The following LGR5 variants were observed in gnomAD, a reference collection of about 807,000 sequenced individuals.
The protein encoded by LGR5 is leucine rich repeat containing G protein-coupled receptor 5.
In LGR5, 54 loss-of-function variants were observed where a neutral mutation model predicts 76.7. The ratio of observed to expected loss-of-function variants is 0.70; its 90% confidence interval spans 0.57 to 0.88. LGR5 has a LOEUF of 0.88. Among genes scored for constraint, LGR5 ranks in the 40% least tolerant of loss-of-function variants. The pLI is 0.00. For missense variants in LGR5, 1,078 were observed against 1,073.3 expected, an observed-to-expected ratio of 1.00 and a Z score of -0.06; for synonymous variants, 406 against 421.9, an observed-to-expected ratio of 0.96 and a Z score of 0.46.
chr12:71,480,457 A>G (rs1263758038), intron 1 of LGR5, among the ~76,000 whole-genome samples: 1 of 151,756 alleles, frequency 6.6e-6, no homozygotes, highest in Non-Finnish European at 1.5e-5. Context: ...CTTCCTCTGG[A>G]CAGAACCTTG....
chr12:71,583,912 G>T lies in LGR5; in HGVS notation c.1902G>T (p.Gly634=), dbSNP rs773901232. Reference sequence around the variant, plus strand: ...GACATGGTGCCTGGTGGGAGAATGGGGTTGGTTGCCATGTCATTGGTTTTT... The same window carrying T: ...GACATGGTGCCTGGTGGGAGAATGGTGTTGGTTGCCATGTCATTGGTTTTT... ...FARHGAWWEN[G]VGCHVIGFLS... Residue 634 remains glycine, a synonymous_variant, in exon 18 of 18, where the codon GGG becomes GGT. Coordinates refer to ENST00000266674, the MANE Select transcript of LGR5 (RefSeq NM_003667.4). The T allele has an allele frequency of 6.8e-6, 11 of 1,614,136 alleles. No homozygotes were observed. The East Asian group carries it at 2.5e-4, about 36-fold the overall frequency.
chr12:71,471,712 A>T (rs998457456), intron 1 of LGR5, among the ~76,000 whole-genome samples: 1 of 151,742 alleles, frequency 6.6e-6, no homozygotes. Context: ...CCAGCTAGTG[A>T]TCATGGGCAG....
chr12:71,516,408 C>A (rs1875440194), intron 2 of LGR5, among the ~76,000 whole-genome samples: 1 of 152,108 alleles, frequency 6.6e-6, no homozygotes, highest in African/African-American at 2.4e-5. Flanking sequence ...TCGCTTAACT[C>A]TGAAAATGCT....
intron 4 of LGR5, among the ~76,000 whole-genome samples, chr12:71,539,811 A>G (rs1202602490): frequency 6.6e-6 from 1 of 152,112 alleles, no homozygotes; most frequent in Non-Finnish European, 1.5e-5. Context: ...TGATGCTAAC[A>G]AATTGCTGGG....
rs968129733 is a variant in LGR5 at position 71,551,749 on chromosome 12, G to T, written c.429-1324G>T. On this transcript the variant is annotated intron_variant, in intron 4 of 17. Coordinates refer to ENST00000266674, the MANE Select transcript of LGR5 (RefSeq NM_003667.4). ...CACTCCCTCTGCTGGCTTTTAGGTG[G>T]CAACAGCTCATTAACCAGACTTATT... is the stretch of plus-strand genomic sequence containing the variant. Among the ~76,000 whole-genome samples the T allele has an allele frequency of 4.3e-4, 65 of 152,130 alleles. 1 individual carries two copies. The highest frequency in any genetic ancestry group is 1.5e-5 in the Non-Finnish European group (1 of 68,040).
At chr12:71,493,952 T>G (rs1874195619) in intron 1 of LGR5, among the ~76,000 whole-genome samples, 1 of 147,612 alleles carries the variant, frequency 6.8e-6, no homozygotes, top group African/African-American at 2.6e-5. Context: ...GATTTTTTTT[T>G]TTTTTTTTTG....
At chr12:71,515,358 C>G (rs1334133173) in intron 2 of LGR5, among the ~76,000 whole-genome samples, 1 of 152,132 alleles carries the variant, frequency 6.6e-6, no homozygotes, top group Non-Finnish European at 1.5e-5. Flanking sequence ...ATTATATTAT[C>G]ATAGTTTTGG....
chr12:71,441,793 G>C (rs932552448), intron 1 of LGR5: 10 of 152,106 alleles, frequency 6.6e-5, no homozygotes, highest in African/African-American at 2.2e-4. Context: ...AATTGCACTC[G>C]TGCATGTGGT....
chr12:71,479,131 G>T (rs1332282104), intron 1 of LGR5, among the ~76,000 whole-genome samples: 1 of 151,176 alleles, frequency 6.6e-6, no homozygotes, highest in South Asian at 2.1e-4. Context: ...AAATTAATAC[G>T]TTTTATTGGC....
At chr12:71,550,453 C>G (rs1458938407) in intron 4 of LGR5, among the ~76,000 whole-genome samples, 3 of 131,024 alleles carry the variant, frequency 2.3e-5, no homozygotes, top group Admixed American at 1.8e-4. Context: ...AGAAACCACT[C>G]ATACTTTCTT....
intron 13 of LGR5, 80 bp downstream of exon 13, chr12:71,573,001 C>T (rs1733020257): frequency 3.9e-6 from 4 of 1,032,092 alleles, no homozygotes; most frequent in Non-Finnish European, 6.0e-6. Context: ...GTTTTCTTTT[C>T]ATTGTGTACT....
chr12:71,461,510 A>T (rs1008569561), intron 1 of LGR5, among the ~76,000 whole-genome samples: 2 of 152,130 alleles, frequency 1.3e-5, no homozygotes, highest in African/African-American at 4.8e-5. Flanking sequence ...CATGCTCCCC[A>T]CTAGCATAGC....
At chr12:71,538,243 T>C (rs1371139399) in intron 4 of LGR5, among the ~76,000 whole-genome samples, 1 of 152,198 alleles carries the variant, frequency 6.6e-6, no homozygotes, top group African/African-American at 2.4e-5. Context: ...CCAGGTATGG[T>C]GGCTCATGCC....
chr12:71,579,516 G>T (rs1170324593), intron 15 of LGR5, among the ~76,000 whole-genome samples: 1 of 151,916 alleles, frequency 6.6e-6, no homozygotes, highest in Non-Finnish European at 1.5e-5. Context: ...TATTTTTTAT[G>T]GTTACATAGT....
rs927486634 is a variant in LGR5, at chr12:71,585,560, T to C, written c.*826T>C. The stretch of plus-strand genomic sequence containing the variant: ...CAATGAACATACCTGGAAAAGAAAG[T>C]AAGCAATCTGGGATTTTTTTTCTGG... On this transcript the variant is annotated 3_prime_UTR_variant, in exon 18 of 18. Transcript: ENST00000266674. 9 of 152,218 alleles carry C rather than the reference T, an allele frequency of 5.9e-5. No homozygotes were observed. The highest frequency in any genetic ancestry group is 2.2e-4 in the African/African-American group (9 of 41,454). 9.4% of individuals were successfully genotyped at this position (152,218 alleles called of 1,614,324 possible).
At chr12:71,541,480 G>A (rs566035099) in intron 4 of LGR5, among the ~76,000 whole-genome samples, 1 of 152,328 alleles carries the variant, frequency 6.6e-6, no homozygotes, top group Non-Finnish European at 1.5e-5. Flanking sequence ...TGGTTACAGA[G>A]ATGACTACCA....
At chr12:71,487,837 C>A (rs528132884) in intron 1 of LGR5, among the ~76,000 whole-genome samples, 1 of 152,124 alleles carries the variant, frequency 6.6e-6, no homozygotes, top group Non-Finnish European at 1.5e-5. Flanking sequence ...CTAGAATACT[C>A]CCTAGATTGA....
At chr12:71,476,408 A>G (rs1332522065) in intron 1 of LGR5, among the ~76,000 whole-genome samples, 1 of 152,200 alleles carries the variant, frequency 6.6e-6, no homozygotes, top group Non-Finnish European at 1.5e-5. Context: ...TTCAAGCCTG[A>G]CTGAGGAATG....
intron 4 of LGR5, among the ~76,000 whole-genome samples, chr12:71,545,916 T>C (rs1165973631): frequency 2.0e-5 from 3 of 152,214 alleles, no homozygotes; most frequent in African/African-American, 7.2e-5. Context: ...AAAATGTTTC[T>C]TGTAAAAGAG....
Sources: allele counts gnomAD v4.1 joint callset (sites outside exome capture counted in the v4.1 genomes callset), GRCh38; gene constraint gnomAD v4.1.1; transcripts MANE v1.5; gene names NCBI Gene and HGNC (gene_info 2026-07-23, HGNC 2026-07-21).